The following POU6F2 variants were observed in gnomAD, a reference collection of about 807,000 sequenced individuals.
POU6F2 encodes the protein POU class 6 homeobox 2.
A neutral mutation model predicts 71.3 loss-of-function variants in POU6F2; 31 were observed. The observed-to-expected ratio is 0.43, with a 90% CI of 0.33 to 0.59. The LOEUF is 0.59. Among genes scored for constraint, POU6F2 ranks in the 20% least tolerant of loss-of-function variants. The pLI, the probability that POU6F2 is intolerant of heterozygous loss-of-function variation, is 0.04. For synonymous variants in POU6F2, 347 were observed against 355.7 expected, an observed-to-expected ratio of 0.98 and a Z score of 0.27; for missense variants, 783 against 856.8, an observed-to-expected ratio of 0.91 and a Z score of 1.07.
rs575862164 is a variant in POU6F2, at chr7:39,189,220, G to A, written c.278-15015G>A. 3.9e-5 allele frequency among the ~76,000 whole-genome samples: 6 copies of A among 152,290 alleles called. No homozygotes were observed. In the South Asian group the frequency reaches 1.0e-3, roughly 26 times the overall value. ...GCCACTCTGACCAGGATGGACCATG[G>A]CAAAACCAGGTGCACTCCATTATCA... On this transcript the variant is annotated intron_variant, in intron 2 of 9. Coordinates refer to ENST00000518318, the MANE Select transcript of POU6F2 (RefSeq NM_001370959.1).
chr7:39,197,021 C>T lies in POU6F2; in HGVS notation c.278-7214C>T, dbSNP rs563926211. Among the ~76,000 whole-genome samples, 6 of 152,282 alleles carry T rather than the reference C, an allele frequency of 3.9e-5. No homozygotes were observed. The South Asian group carries it at 1.0e-3, about 26-fold the overall frequency. On this transcript the variant is annotated intron_variant, in intron 2 of 9. Coordinates refer to ENST00000518318, the MANE Select transcript of POU6F2 (RefSeq NM_001370959.1). Reference sequence around the variant, plus strand: ...AGAACCCCATGGCTGGGATTTAATGCCCTGAGGTCACCATCCTGAATTTCT... The same window carrying T: ...AGAACCCCATGGCTGGGATTTAATGTCCTGAGGTCACCATCCTGAATTTCT...
intron 5 of POU6F2, among the ~76,000 whole-genome samples, chr7:39,359,638 T>C (rs1232787347): frequency 6.6e-6 from 1 of 152,142 alleles, no homozygotes; most frequent in African/African-American, 2.4e-5. Flanking sequence ...CGTTTTATTT[T>C]TTAGATTCCA....
In POU6F2 at chr7:39,282,855, T is replaced by C. The variant is rs1026977989; in HGVS notation, c.599-56787T>C. Among the ~76,000 whole-genome samples the C allele has an allele frequency of 3.3e-5, 5 of 152,308 alleles. No homozygotes were observed. The South Asian group carries it at 6.2e-4, about 19-fold the overall frequency. On this transcript the variant is annotated intron_variant, in intron 4 of 9. Transcript: ENST00000518318. ...ATTTTAATAGGGATTGCATTGAATC[T>C]ATAGATCACTTGGGTAGTATGAACA...
intron 2 of POU6F2, among the ~76,000 whole-genome samples, chr7:39,141,366 G>T (rs1216985155): frequency 6.6e-6 from 1 of 152,166 alleles, no homozygotes; most frequent in African/African-American, 2.4e-5. Context: ...CCTGCCCTCT[G>T]TGGGCAAAGT....
At chr7:39,449,370 CCTAA>C (rs1203271616) in intron 7 of POU6F2, among the ~76,000 whole-genome samples, 4 of 152,102 alleles carry the variant, frequency 2.6e-5, no homozygotes, top group African/African-American at 9.7e-5. Context: ...TGGAGTAGCC[CCTAA>C]CTAACAGTTG....
intron 5 of POU6F2, among the ~76,000 whole-genome samples, chr7:39,353,811 C>A (rs1183452486): frequency 2.0e-5 from 3 of 152,158 alleles, no homozygotes; most frequent in Non-Finnish European, 4.4e-5. Flanking sequence ...TCTGCCAAGT[C>A]TTTTACTCGG....
intron 2 of POU6F2, among the ~76,000 whole-genome samples, chr7:39,106,728 G>T (rs62442210): frequency 0.23 from 34,391 of 151,866 alleles, 4,495 homozygotes; most frequent in East Asian, 0.55. Context: ...TAAATCAGTA[G>T]GTGTTCACAT....
intron 4 of POU6F2, among the ~76,000 whole-genome samples, chr7:39,267,583 C>T (rs35967369): frequency 0.091 from 13,799 of 152,078 alleles, 776 homozygotes; most frequent in Admixed American, 0.15. Context: ...CAAAGTAATA[C>T]GCTTAATGAA....
At chr7:39,143,954 A>G (rs1331982724) in intron 2 of POU6F2, among the ~76,000 whole-genome samples, 1 of 152,238 alleles carries the variant, frequency 6.6e-6, no homozygotes, top group Non-Finnish European at 1.5e-5. Flanking sequence ...AGAGGCTGAC[A>G]TATTTAGGAA....
rs12532484 is a variant in POU6F2, at chr7:39,426,926, T to C, written c.1114-6151T>C. Among the ~76,000 whole-genome samples, 456 of 152,334 alleles carry C rather than the reference T, an allele frequency of 3.0e-3. 12 individuals carry two copies. The East Asian group carries it at 0.049, about 16-fold the overall frequency. On this transcript the variant is annotated intron_variant, in intron 6 of 9. Coordinates refer to ENST00000518318, the MANE Select transcript of POU6F2 (RefSeq NM_001370959.1). The stretch of plus-strand genomic sequence containing the variant: ...CTGGAATGCAGCACCAGTTGGGTCT[T>C]GGTGCCCCCATGGAAACTTCCAATG...
chr7:39,105,880 C>T (rs747445897), intron 2 of POU6F2, among the ~76,000 whole-genome samples: 4 of 152,134 alleles, frequency 2.6e-5, no homozygotes, highest in Admixed American at 6.5e-5. Flanking sequence ...ACATGGAAAG[C>T]CAAGATGGAA....
chr7:39,163,766 T>C (rs945041333), intron 2 of POU6F2, among the ~76,000 whole-genome samples: 5 of 152,182 alleles, frequency 3.3e-5, no homozygotes, highest in African/African-American at 1.2e-4. Context: ...AACAACTAGG[T>C]GTCCATCAGT....
At chr7:39,229,222 G>A (rs184214858) in intron 4 of POU6F2, among the ~76,000 whole-genome samples, 2 of 152,296 alleles carry the variant, frequency 1.3e-5, no homozygotes, top group African/African-American at 4.8e-5. Context: ...GAAAACAATA[G>A]GGCAGCATTT....
At chr7:39,349,901 GC>G (rs1786107721) in intron 5 of POU6F2, among the ~76,000 whole-genome samples, 1 of 152,208 alleles carries the variant, frequency 6.6e-6, no homozygotes, top group African/African-American at 2.4e-5. Flanking sequence ...AGGTTCATGT[GC>G]CACTTGGAGT....
rs1788917340 is a variant in POU6F2, at chr7:39,460,425, T to A, written c.1490-122T>A. On this transcript the variant is annotated intron_variant, in intron 8 of 9. Transcript: ENST00000518318. The surrounding 1 kb of genome is among the most constrained non-coding windows in gnomAD (Gnocchi z 4.4). ...CCTGGGAGACAAAGCGAACATTCTCTGAGGTTGGTTTCCTCACTGCTCTGC... is the reference window on the plus strand; with the variant it reads ...CCTGGGAGACAAAGCGAACATTCTCAGAGGTTGGTTTCCTCACTGCTCTGC... 90 of 1,065,128 alleles carry A rather than the reference T, an allele frequency of 8.4e-5. No homozygotes were observed. In the South Asian group the frequency reaches 1.2e-3, roughly 15 times the overall value. The allele number at this position is 1,065,128 out of a possible 1,614,324, so 66.0% of individuals were successfully genotyped here. A position where few individuals can be genotyped will look rare whatever the true frequency, so the allele number is the denominator to read the frequency against.
chr7:38,998,808 C>T (rs1788814075), intron 1 of POU6F2, among the ~76,000 whole-genome samples: 2 of 147,566 alleles, frequency 1.4e-5, no homozygotes, highest in South Asian at 2.2e-4. Context: ...TGCCACCACA[C>T]CCGGCTAATT....
intron 4 of POU6F2, among the ~76,000 whole-genome samples, chr7:39,336,267 C>T (rs1364443700): frequency 6.6e-6 from 1 of 152,224 alleles, no homozygotes; most frequent in Non-Finnish European, 1.5e-5. Context: ...ATTATTTCTT[C>T]ACCTTAAAAG....
intron 6 of POU6F2, among the ~76,000 whole-genome samples, chr7:39,429,690 TCA>T (rs960238257): frequency 1.1e-4 from 16 of 152,192 alleles, no homozygotes; most frequent in Non-Finnish European, 1.6e-4. Flanking sequence ...GTCCGTGTGC[TCA>T]GTGGCAAATC....
intron 4 of POU6F2, among the ~76,000 whole-genome samples, chr7:39,224,289 G>A (rs1037182418): frequency 8.6e-5 from 13 of 151,898 alleles, no homozygotes; most frequent in Admixed American, 2.6e-4. Flanking sequence ...GTGTTTCCTA[G>A]GTAGTACTTT....
Sources: allele counts gnomAD v4.1 joint callset (sites outside exome capture counted in the v4.1 genomes callset), GRCh38; gene constraint gnomAD v4.1.1; non-coding constraint Gnocchi (gnomAD v3.1); transcripts MANE v1.5; gene names NCBI Gene and HGNC (gene_info 2026-07-23, HGNC 2026-07-21).